Variants in DGLUCY observed in about 807,000 individuals in gnomAD.
DGLUCY encodes the protein D-glutamate cyclase, mitochondrial.
A neutral mutation model predicts 58.5 loss-of-function variants in DGLUCY; 58 were observed. The observed-to-expected ratio is 0.99, with a 90% confidence interval of 0.80 to 1.23. The LOEUF (loss-of-function observed/expected upper bound fraction) is 1.23, where lower values mean the gene tolerates loss of function less well. DGLUCY is among the 50% of genes most tolerant of loss of function. The pLI is 0.00. For synonymous variants in DGLUCY, 325 were observed against 314.1 expected, an observed-to-expected ratio of 1.03 and a Z score of -0.37; for missense variants, 779 against 784.7, an observed-to-expected ratio of 0.99 and a Z score of 0.09.
At chr14:91,132,506 T>C (rs983013159) in intron 1 of DGLUCY, among the ~76,000 whole-genome samples, 2 of 151,030 alleles carry the variant, frequency 1.3e-5, no homozygotes, top group African/African-American at 2.4e-5. Flanking sequence ...TGAGACACAG[T>C]CTTGCTCTGT....
chr14:91,071,334 C>CAAAAAAAAAAAAAAAAAAAAAAAAA, intron 1 of DGLUCY, among the ~76,000 whole-genome samples: 1 of 84,230 alleles, frequency 1.2e-5, no homozygotes. Context: ...GAGATTCCAC[C>CAAAAAAAAAAAAAAAAAAAAAAAAA]AAAAAAAAAA....
At chr14:91,075,520 G>A (rs934942440) in intron 1 of DGLUCY, among the ~76,000 whole-genome samples, 1 of 152,034 alleles carries the variant, frequency 6.6e-6, no homozygotes, top group African/African-American at 2.4e-5. Flanking sequence ...ATATTGTATT[G>A]GAGCTTTTTA....
At chr14:91,223,078 G>C (rs1567020695) in intron 13 of DGLUCY, among the ~76,000 whole-genome samples, 1 of 152,152 alleles carries the variant, frequency 6.6e-6, no homozygotes. Context: ...TGAGGATTAG[G>C]TTCAACATAC....
chr14:91,073,314 G>A (rs1005575851), intron 1 of DGLUCY, among the ~76,000 whole-genome samples: 13 of 152,142 alleles, frequency 8.5e-5, no homozygotes, highest in South Asian at 2.1e-4. Flanking sequence ...GATGGCACAC[G>A]CCTGTAGTCC....
At chr14:91,217,781 C>T (rs913517080) in intron 13 of DGLUCY, among the ~76,000 whole-genome samples, 2 of 152,182 alleles carry the variant, frequency 1.3e-5, no homozygotes, top group African/African-American at 4.8e-5. Flanking sequence ...AGCCACCACG[C>T]CCGGCCTCTT....
intron 8 of DGLUCY, among the ~76,000 whole-genome samples, chr14:91,187,736 G>C (rs1275656946): frequency 6.6e-6 from 1 of 152,228 alleles, no homozygotes; most frequent in Non-Finnish European, 1.5e-5. Flanking sequence ...AGGCAGGTGA[G>C]TAAATGCCCA....
chr14:91,094,435 C>A (rs10139308), intron 1 of DGLUCY, among the ~76,000 whole-genome samples: 33,812 of 135,840 alleles, frequency 0.25, 4,029 homozygotes, highest in African/African-American at 0.3. Flanking sequence ...ACTCTGTCCC[C>A]AAAAAAAAAA....
chr14:91,144,183 G>A (rs1476165022), intron 1 of DGLUCY, among the ~76,000 whole-genome samples: 1 of 152,210 alleles, frequency 6.6e-6, no homozygotes, highest in Non-Finnish European at 1.5e-5. Context: ...AGCCGGGGTG[G>A]GAGGGTCCCT....
At chr14:91,172,180 C>T (rs892995671) in intron 5 of DGLUCY, among the ~76,000 whole-genome samples, 4 of 152,164 alleles carry the variant, frequency 2.6e-5, no homozygotes, top group African/African-American at 9.7e-5. Flanking sequence ...AAGAGATCCT[C>T]CCATCTCAGC....
chr14:91,197,547 C>T (rs1404472103), intron 10 of DGLUCY, among the ~76,000 whole-genome samples: 1 of 152,228 alleles, frequency 6.6e-6, no homozygotes, highest in Non-Finnish European at 1.5e-5. Context: ...GATAATTCTC[C>T]ATCTCCTCCT....
intron 9 of DGLUCY, among the ~76,000 whole-genome samples, chr14:91,191,728 T>C (rs2049905436): frequency 1.3e-5 from 2 of 152,186 alleles, no homozygotes; most frequent in African/African-American, 4.8e-5. Context: ...ATGTTGTATC[T>C]ATTTTGCAGG....
intron 1 of DGLUCY, among the ~76,000 whole-genome samples, chr14:91,084,593 C>T (rs1377572150): frequency 6.6e-6 from 1 of 152,148 alleles, no homozygotes; most frequent in Non-Finnish European, 1.5e-5. Context: ...GTGGTGGTAA[C>T]TGCTCAGTCT....
intron 1 of DGLUCY, among the ~76,000 whole-genome samples, chr14:91,117,972 T>G (rs1470213918): frequency 6.6e-6 from 1 of 152,002 alleles, no homozygotes; most frequent in Non-Finnish European, 1.5e-5. Flanking sequence ...ATGCTTGGAT[T>G]CAAGATAAAA....
chr14:91,176,155 A>G, intron 7 of DGLUCY, 99 bp downstream of exon 7: 2 of 1,424,492 alleles, frequency 1.4e-6, no homozygotes, highest in Non-Finnish European at 1.9e-6. Context: ...TGATTTAAAA[A>G]TAAAGCCATG....
chr14:91,217,114 C>G (rs1044624098), intron 13 of DGLUCY, among the ~76,000 whole-genome samples: 1 of 152,192 alleles, frequency 6.6e-6, no homozygotes, highest in African/African-American at 2.4e-5. Context: ...ACCAGACTTG[C>G]GGGACATTCA....
upstream of DGLUCY, among the ~76,000 whole-genome samples, chr14:91,111,200 ATATGTGTGTGTGTGTGTGTGTGTGTG>A (rs1384451090): frequency 1.3e-5 from 1 of 79,124 alleles, no homozygotes; most frequent in Admixed American, 1.6e-4. Context: ...TTATTTATAT[ATATGTGTGTGTGTGTGTGTGTGTGTG>A]TGTGTGTGTG....
intron 1 of DGLUCY, among the ~76,000 whole-genome samples, chr14:91,090,894 C>G (rs969523723): frequency 1.6e-4 from 24 of 152,194 alleles, no homozygotes; most frequent in Non-Finnish European, 3.4e-4. Context: ...TCCTGCAGGG[C>G]GAATCCACCC....
chr14:91,121,015 G>A (rs1236482972), intron 1 of DGLUCY, among the ~76,000 whole-genome samples: 2 of 152,122 alleles, frequency 1.3e-5, no homozygotes, highest in Non-Finnish European at 2.9e-5. Flanking sequence ...TCCCTCCCAA[G>A]CATCTCTTTG....
intron 1 of DGLUCY, among the ~76,000 whole-genome samples, chr14:91,088,444 C>G (rs1181291177): frequency 6.6e-6 from 1 of 152,108 alleles, no homozygotes; most frequent in Non-Finnish European, 1.5e-5. Context: ...GTCACTAGGA[C>G]AGTCCTAGAG....
Sources: gnomAD v4.1 joint callset for allele counts (sites outside exome capture counted in the v4.1 genomes callset) on GRCh38, gnomAD v4.1.1 for gene constraint, MANE v1.5 for transcripts, NCBI Gene and HGNC (gene_info 2026-07-23, HGNC 2026-07-21) for gene names.